LIMS1: variants seen among roughly 807,000 people sequenced by gnomAD.
LIMS1 encodes LIM zinc finger domain containing 1, also known as LIM and senescent cell antigen-like-containing domain protein 1.
LIMS1 carries 18 observed loss-of-function variants against 44.1 expected under a neutral mutation model. The ratio of observed to expected loss-of-function variants is 0.41; its 90% CI spans 0.28 to 0.61. The LOEUF is 0.61. Among genes scored for constraint, LIMS1 ranks in the 20% least tolerant of loss-of-function variants. The pLI is 0.32. For missense variants in LIMS1, 201 were observed against 422.0 expected (o/e 0.48, Z 4.59); for synonymous variants, 93 against 149.1 (o/e 0.62, Z 2.74).
intron 1 of LIMS1, among the ~76,000 whole-genome samples, chr2:108,597,287 A>G (rs1558802363): frequency 6.6e-6 from 1 of 152,166 alleles, no homozygotes; most frequent in East Asian, 1.9e-4. Flanking sequence ...ATAGAAGAAA[A>G]TGCACAAAGG....
chr2:108,563,893 T>TACAAAA lies in LIMS1; in HGVS notation c.32+29301_32+29306dup, dbSNP rs2104616631. On this transcript the variant is annotated intron_variant, in intron 1 of 9. Coordinates refer to ENST00000544547, the Ensembl canonical transcript of LIMS1. ...GGGCAATACAGCGAGATCCTGTCTC[T>TACAAAA]ACAAAAATAAAAATAATTAGCCAGG... Among the ~76,000 whole-genome samples the TACAAAA allele has an allele frequency of 1.3e-5, 2 of 151,968 alleles. 1 individual carries two copies. Among genetic ancestry groups the TACAAAA allele is most frequent in the South Asian group, 4.2e-4 (2 of 4,808 alleles).
intron 1 of LIMS1, among the ~76,000 whole-genome samples, chr2:108,641,656 A>G (rs2148919472): frequency 6.6e-6 from 1 of 152,290 alleles, no homozygotes; most frequent in Non-Finnish European, 1.5e-5. Flanking sequence ...TATTTTCTTT[A>G]TTTTAAACTA....
chr2:108,541,590 C>T (rs1417511172), intron 1 of LIMS1, among the ~76,000 whole-genome samples: 1 of 152,210 alleles, frequency 6.6e-6, no homozygotes, highest in African/African-American at 2.4e-5. Context: ...CAAACTCCAG[C>T]GCCTGGAATT....
chr2:108,584,289 A>G (rs1686009242), intron 1 of LIMS1, among the ~76,000 whole-genome samples: 1 of 152,196 alleles, frequency 6.6e-6, no homozygotes, highest in Non-Finnish European at 1.5e-5. Context: ...CCCTGTTCCC[A>G]CCATGCTTAG....
chr2:108,635,765 T>G (rs1689205379), intron 1 of LIMS1, among the ~76,000 whole-genome samples: 1 of 144,388 alleles, frequency 6.9e-6, no homozygotes, highest in Non-Finnish European at 1.5e-5. Context: ...ATTCTGTACC[T>G]TTACGTGATA....
intron 1 of LIMS1, chr2:108,621,491 T>G: frequency 2.7e-6 from 4 of 1,468,884 alleles, no homozygotes; most frequent in Non-Finnish European, 3.7e-6. Context: ...TGGCTAAAGG[T>G]CAAGACATCT....
intron 1 of LIMS1, among the ~76,000 whole-genome samples, chr2:108,657,080 A>G (rs1193524688): frequency 8.0e-6 from 1 of 125,320 alleles, no homozygotes; most frequent in Non-Finnish European, 1.7e-5. Context: ...ATTGCGTTAC[A>G]TTTTTGCAAA....
intron 1 of LIMS1, among the ~76,000 whole-genome samples, chr2:108,540,065 GGA>G (rs1684266255): frequency 6.6e-6 from 1 of 151,314 alleles, no homozygotes. Flanking sequence ...AGTGTCCTGT[GGA>G]CTGTAAACTT....
chr2:108,618,793 C>G lies in LIMS1; in HGVS notation c.33-40812C>G, dbSNP rs193087665. ...TGAGCTGAGATCGTGCCACTGCACT[C>G]CAGCCTGGCGACAGAGCAAGACTCC... On this transcript the variant is annotated intron_variant, in intron 1 of 9. Transcript: ENST00000544547. Among the ~76,000 whole-genome samples, 9 of 147,514 alleles carry G rather than the reference C, an allele frequency of 6.1e-5. No individual in the cohort carries two copies. The East Asian group carries it at 9.9e-4, about 16-fold the overall frequency.
chr2:108,589,138 C>CT (rs1351692336), intron 1 of LIMS1, among the ~76,000 whole-genome samples: 1 of 151,264 alleles, frequency 6.6e-6, no homozygotes, highest in African/African-American at 2.4e-5. Context: ...GCAGCTATAA[C>CT]TAAGTAAGGA....
chr2:108,548,051 T>C lies in LIMS1; in HGVS notation c.32+13457T>C, dbSNP rs150363276. 9.8e-3 allele frequency among the ~76,000 whole-genome samples: 1,492 copies of C among 152,336 alleles called. 13 individuals are homozygous for C. The highest frequency in any genetic ancestry group is 0.012 in the Non-Finnish European group (838 of 68,034). ...AAATGGGTTCAAGAAAGTAGGAGCT[T>C]TGTGACTAGCCCCATGAAATCTGGA... On this transcript the variant is annotated intron_variant, in intron 1 of 9. Transcript: ENST00000544547.
At chr2:108,668,592 T>G (rs1005630337) in intron 2 of LIMS1, among the ~76,000 whole-genome samples, 1 of 152,162 alleles carries the variant, frequency 6.6e-6, no homozygotes, top group Non-Finnish European at 1.5e-5. Flanking sequence ...TGTACCATAT[T>G]TTTTTAATCC....
chr2:108,591,789 G>GTTT (rs935084572), intron 1 of LIMS1, among the ~76,000 whole-genome samples: 2 of 91,356 alleles, frequency 2.2e-5, no homozygotes, highest in African/African-American at 3.6e-5. Flanking sequence ...AATGTTTTTA[G>GTTT]TTTTTTTTTT....
chr2:108,629,200 T>C (rs893635082), intron 1 of LIMS1, among the ~76,000 whole-genome samples: 2 of 152,228 alleles, frequency 1.3e-5, no homozygotes, highest in African/African-American at 4.8e-5. Context: ...AGGGAAGAAG[T>C]ATTCGTATGC....
chr2:108,595,936 TGAG>T (rs1477481625), intron 1 of LIMS1, among the ~76,000 whole-genome samples: 1 of 152,172 alleles, frequency 6.6e-6, no homozygotes, highest in Non-Finnish European at 1.5e-5. Flanking sequence ...TCTAGAGGCT[TGAG>T]GAGAACCTGA....
chr2:108,612,067 T>C (rs1573446602), intron 1 of LIMS1, among the ~76,000 whole-genome samples: 1 of 146,738 alleles, frequency 6.8e-6, no homozygotes, highest in Non-Finnish European at 1.5e-5. Context: ...TATATATATA[T>C]ATACATATAT....
intron 1 of LIMS1, among the ~76,000 whole-genome samples, chr2:108,539,025 A>AGAC (rs1684230159): frequency 6.6e-6 from 1 of 152,166 alleles, no homozygotes; most frequent in Admixed American, 6.5e-5. Context: ...ACTAGTGGTT[A>AGAC]TTTGGGTTCT....
intron 1 of LIMS1, among the ~76,000 whole-genome samples, chr2:108,557,681 T>C (rs1684973006): frequency 6.6e-6 from 1 of 152,040 alleles, no homozygotes. Flanking sequence ...CACGCCCAGC[T>C]AATTTTTGTA....
intron 1 of LIMS1, among the ~76,000 whole-genome samples, chr2:108,551,660 A>G (rs867767161): frequency 6.9e-6 from 1 of 145,660 alleles, no homozygotes; most frequent in African/African-American, 2.5e-5. Flanking sequence ...ATATATATGT[A>G]TATACACATA....
Sources: gnomAD v4.1 joint callset for allele counts (sites outside exome capture counted in the v4.1 genomes callset) on GRCh38, gnomAD v4.1.1 for gene constraint, MANE v1.5 for transcripts, NCBI Gene and HGNC (gene_info 2026-07-23, HGNC 2026-07-21) for gene names.